Variants in LRIG2 observed in about 807,000 individuals in gnomAD.
LRIG2 encodes leucine-rich repeats and immunoglobulin-like domains protein 2.
In LRIG2, 93 loss-of-function variants were observed where a neutral mutation model predicts 107.8. The ratio of observed to expected loss-of-function variants is 0.86; its 90% CI spans 0.73 to 1.03. The LOEUF (loss-of-function observed/expected upper bound fraction) is 1.03. Ranked by LOEUF, LRIG2 falls within the 50% of genes least tolerant of loss-of-function variation. The pLI is 0.00. For synonymous variants in LRIG2, 471 were observed against 470.6 expected, an observed-to-expected ratio of 1.00 and a Z score of -0.01; for missense variants, 1,226 against 1,296.0, an observed-to-expected ratio of 0.95 and a Z score of 0.83.
chr1:113,125,973 G>T lies in LRIG2; in HGVS notation c.*1872G>T, dbSNP rs1161705438. On this transcript the variant is annotated 3_prime_UTR_variant, in exon 18 of 18. Transcript: ENST00000361127. The stretch of plus-strand genomic sequence containing the variant: ...TGTTTGGTGTTGGAGATGTTAACTG[G>T]GTTCTATTAGGTGTGCTATATCTTG... 1 of 152,004 alleles carries T rather than the reference G, an allele frequency of 6.6e-6. No individual in the cohort carries two copies. Among genetic ancestry groups the T allele is most frequent in the Non-Finnish European group, 1.5e-5 (1 of 68,002 alleles). 9.4% of individuals were successfully genotyped at this position (152,004 alleles called of 1,614,324 possible).
chr1:113,079,810 C>T (rs1221842484), intron 1 of LRIG2, among the ~76,000 whole-genome samples: 15 of 144,962 alleles, frequency 1.0e-4, no homozygotes, highest in Non-Finnish European at 1.5e-4. Context: ...GGCACAATCT[C>T]GGCTCACTGC....
chr1:113,079,855 A>T (rs1653177327), intron 1 of LRIG2, among the ~76,000 whole-genome samples: 1 of 136,336 alleles, frequency 7.3e-6, no homozygotes, highest in African/African-American at 2.8e-5. Flanking sequence ...TCAGCCTCCC[A>T]AGTAGCTGGG....
chr1:113,130,891 A>C lies in LRIG2; in HGVS notation c.*6790A>C, dbSNP rs1245235762. The C allele has an allele frequency of 2.6e-5, 4 of 152,212 alleles. No individual in the cohort carries two copies. Among genetic ancestry groups the C allele is most frequent in the Non-Finnish European group, 5.9e-5 (4 of 68,050 alleles). The allele number at this position is 152,212 out of a possible 1,614,324, so 9.4% of individuals were successfully genotyped here. ...GCATAAATGGTATTACTATACTAAC[A>C]AATTTAAAAGCCTATAATGTATTAA... On this transcript the variant is annotated 3_prime_UTR_variant, in exon 18 of 18. Transcript: ENST00000361127.
intron 1 of LRIG2, among the ~76,000 whole-genome samples, chr1:113,074,326 G>A (rs1230980491): frequency 6.6e-6 from 1 of 152,150 alleles, no homozygotes; most frequent in East Asian, 1.9e-4. Context: ...TCTTCTTGTG[G>A]CAAAGAACCC....
At position 113,112,716 on chromosome 1, in the gene LRIG2, A is replaced by G; in HGVS notation, c.2036A>G (p.Asn679Ser). Residue 679 changes from asparagine to serine, a missense_variant, in exon 14 of 18, where the codon AAT becomes AGT. Around this residue, in one of 3 missense-constraint regions of LRIG2, gnomAD observed 642 missense variants for 712.2 expected, o/e 0.90. Transcript: ENST00000361127. ...GGAATCTATAGCTGCATGGCACAAA[A>G]TACAGCAGGAGGTCTCTCAGCAAAT... ...DMGIYSCMAQNTAGGLSANAS... is the reference protein window; with the variant it reads ...DMGIYSCMAQSTAGGLSANAS... 6.2e-7 allele frequency: 1 copy of G among 1,610,416 alleles called. No individual in the cohort carries two copies. The highest frequency in any genetic ancestry group is 8.5e-7 in the Non-Finnish European group (1 of 1,176,758).
intron 11 of LRIG2, among the ~76,000 whole-genome samples, chr1:113,101,753 T>G (rs1216811): frequency 0.97 from 148,286 of 152,280 alleles, 72,312 homozygotes; most frequent in East Asian, 1. Flanking sequence ...CTCAGTTTCT[T>G]TTCCCAGAAT....
Position 113,110,380 on chromosome 1 carries a change from T to TC in LRIG2, c.1618dup (p.Leu540ProfsTer3), listed in dbSNP as rs1394814626. The TC allele has an allele frequency of 6.2e-7, 1 of 1,614,150 alleles. No homozygotes were observed. The highest frequency in any genetic ancestry group is 2.2e-5 in the East Asian group (1 of 44,880). Reference sequence around the variant, plus strand: ...ACTGTGTGGCGCAAAGACAGTGAAATCCTGTATGACGTGGATACTGAGAAT... The same window carrying TC: ...ACTGTGTGGCGCAAAGACAGTGAAATCCCTGTATGACGTGGATACTGAGAAT... On this transcript the variant is annotated frameshift_variant, in exon 13 of 18. Transcript: ENST00000361127. LOFTEE classifies it high-confidence loss of function.
chr1:113,112,651 T>C lies in LRIG2; in HGVS notation c.1971T>C (p.Asp657=), dbSNP rs1035789047. 2.5e-6 allele frequency: 4 copies of C among 1,614,070 alleles called. No homozygotes were observed. The highest frequency in any genetic ancestry group is 1.6e-4 in the Middle Eastern group (1 of 6,084). Residue 657 remains aspartate (D), a synonymous_variant, in exon 14 of 18, where the codon GAT becomes GAC. Transcript: ENST00000361127. ...RERRMHVMPE[D]DVFFIANVKI... is the part of the protein sequence containing the mutation. ...GACGCATGCACGTCATGCCCGAGGA[T>C]GACGTCTTCTTTATTGCCAATGTGA...
At chr1:113,081,373 T>C (rs1446061425) in intron 1 of LRIG2, among the ~76,000 whole-genome samples, 2 of 152,066 alleles carry the variant, frequency 1.3e-5, no homozygotes, top group Admixed American at 6.6e-5. Context: ...TTTTTAGTGG[T>C]CTGAAACTGT....
rs61817906 is a variant in LRIG2, at chr1:113,128,352, C to A, written c.*4251C>A. 6.6e-6 allele frequency: 1 copy of A among 152,174 alleles called. No homozygotes were observed. The highest frequency in any genetic ancestry group is 1.5e-5 in the Non-Finnish European group (1 of 68,038). 9.4% of individuals were successfully genotyped at this position (152,174 alleles called of 1,614,324 possible). A position where few individuals can be genotyped will look rare whatever the true frequency, so the allele number is the denominator to read the frequency against. On this transcript the variant is annotated 3_prime_UTR_variant, in exon 18 of 18. Coordinates refer to ENST00000361127, the MANE Select transcript of LRIG2 (RefSeq NM_014813.3). ...AGATTATGGTGTAGTTTGTACTAGACTGACTCATTAAGACCTTGTACGCTT... is the reference window on the plus strand; with the variant it reads ...AGATTATGGTGTAGTTTGTACTAGAATGACTCATTAAGACCTTGTACGCTT...
At chr1:113,090,028 C>CAAGGATGTG (rs1292704184) in intron 1 of LRIG2, among the ~76,000 whole-genome samples, 1 of 151,408 alleles carries the variant, frequency 6.6e-6, no homozygotes, top group Non-Finnish European at 1.5e-5. Context: ...ACATCCCTAT[C>CAAGGATGTG]AAGGATGTGG....
chr1:113,094,490 A>G lies in LRIG2; in HGVS notation c.659+8A>G. 6.3e-7 allele frequency: 1 copy of G among 1,599,898 alleles called. No individual in the cohort carries two copies. The highest frequency in any genetic ancestry group is 8.5e-7 in the Non-Finnish European group (1 of 1,176,350). ...GCCTCACCTCCAATTCTTGTGAGTA[A>G]CGAAATAGACGGATTATAAGAAGAT... On this transcript the variant is annotated splice_region_variant and intron_variant, in intron 5 of 17. Coordinates refer to ENST00000361127, the MANE Select transcript of LRIG2 (RefSeq NM_014813.3).
Position 113,100,418 on chromosome 1 carries a change from A to G in LRIG2, c.1245-2A>G. ...ATAATGTTTCATTTCTCTTTATTTC[A>G]GAGATTTGAACAATAATGCTATAAT... On this transcript the variant is annotated splice_acceptor_variant, in intron 10 of 17. Coordinates refer to ENST00000361127, the MANE Select transcript of LRIG2 (RefSeq NM_014813.3). LOFTEE classifies it high-confidence loss of function. The G allele has an allele frequency of 6.6e-7, 1 of 1,522,102 alleles. No homozygotes were observed. Among genetic ancestry groups the G allele is most frequent in the Non-Finnish European group, 9.1e-7 (1 of 1,101,638 alleles). The allele number at this position is 1,522,102 out of a possible 1,614,324, so 94.3% of individuals were successfully genotyped here.
rs1218694922 is a variant in LRIG2 at position 113,126,166 on chromosome 1, A to G, written c.*2065A>G. On this transcript the variant is annotated 3_prime_UTR_variant, in exon 18 of 18. Transcript: ENST00000361127. ...TACAAAAACATGCCACTTTGCAACT[A>G]TGGGTCAGTTATTTGCTCTCTCAAT... 6.6e-6 allele frequency: 1 copy of G among 152,144 alleles called. No homozygotes were observed. Among genetic ancestry groups the G allele is most frequent in the Admixed American group, 6.5e-5 (1 of 15,276 alleles). The allele number at this position is 152,144 out of a possible 1,614,324, so 9.4% of individuals were successfully genotyped here. A position where few individuals can be genotyped will look rare whatever the true frequency, so the allele number is the denominator to read the frequency against.
rs985629005 is a variant in LRIG2, at chr1:113,110,106, G to A, written c.1478-136G>A. The stretch of plus-strand genomic sequence containing the variant: ...CATCTTTAAACAAGGGAATTGGACT[G>A]TAGCTCTGTAGTCTCTTTCAACTTT... On this transcript the variant is annotated intron_variant, in intron 12 of 17. Transcript: ENST00000361127. The A allele has an allele frequency of 1.3e-5, 8 of 623,482 alleles. No individual in the cohort carries two copies. In the Admixed American group the frequency reaches 1.9e-4, roughly 15 times the overall value. The allele number at this position is 623,482 out of a possible 1,614,324, so 38.6% of individuals were successfully genotyped here.
intron 17 of LRIG2, among the ~76,000 whole-genome samples, chr1:113,121,373 T>C (rs1197626522): frequency 6.6e-6 from 1 of 152,204 alleles, no homozygotes; most frequent in Non-Finnish European, 1.5e-5. Flanking sequence ...GCTGAGCATG[T>C]GTGTCTTCCT....
chr1:113,098,836 C>T (rs748817577), intron 9 of LRIG2, 51 bp downstream of exon 9: 64 of 1,105,902 alleles, frequency 5.8e-5, no homozygotes, highest in Non-Finnish European at 7.0e-5. Context: ...TTTCAAGAAC[C>T]GGCTGTAAAT....
At chr1:113,075,627 T>C (rs1254936823) in intron 1 of LRIG2, among the ~76,000 whole-genome samples, 1 of 151,358 alleles carries the variant, frequency 6.6e-6, no homozygotes, top group Non-Finnish European at 1.5e-5. Context: ...ATTATAACAA[T>C]AAGTCTGGCA....
Position 113,076,574 on chromosome 1 carries a change from C to T in LRIG2, c.239+2929C>T, listed in dbSNP as rs116468225. Among the ~76,000 whole-genome samples, 792 of 152,166 alleles carry T rather than the reference C, an allele frequency of 5.2e-3. 9 individuals carry two copies. Among genetic ancestry groups the T allele is most frequent in the African/African-American group, 0.018 (731 of 41,516 alleles). On this transcript the variant is annotated intron_variant, in intron 1 of 17. Transcript: ENST00000361127. ...CTCTTAGAATATTAAAAGATAGTAC[C>T]GTACTATTTTAAATTGAGAAATGAA...
Sources: gnomAD v4.1 joint callset for allele counts (sites outside exome capture counted in the v4.1 genomes callset) on GRCh38, gnomAD v4.1.1 for gene constraint, gnomAD v4.1.1 regional missense constraint, MANE v1.5 for transcripts, NCBI Gene and HGNC (gene_info 2026-07-23, HGNC 2026-07-21) for gene names.